Variants in KAZN observed in about 807,000 individuals in gnomAD.
KAZN encodes the protein kazrin.
Under a neutral mutation model 87.4 loss-of-function variants are expected in KAZN, and 40 were observed. That is an observed-to-expected ratio of 0.46 (90% CI 0.36 to 0.60). The LOEUF (loss-of-function observed/expected upper bound fraction) is 0.60, where lower values mean the gene tolerates loss of function less well. Ranked by LOEUF, KAZN falls within the 20% of genes least tolerant of loss-of-function variation. The pLI is 0.00. For synonymous variants in KAZN, 466 were observed against 458.3 expected (o/e 1.02, Z -0.22); for missense variants, 898 against 1,073.9 (o/e 0.84, Z 2.29).
chr1:14,557,629 GGTGT>G (rs59563758), intron 2 of KAZN, among the ~76,000 whole-genome samples: 13,357 of 137,526 alleles, frequency 0.097, 766 homozygotes, highest in Admixed American at 0.15. Flanking sequence ...GGTGTGTGTG[GGTGT>G]GTGTGTGTGT....
intron 1 of KAZN, among the ~76,000 whole-genome samples, chr1:14,928,986 C>T (rs938878508): frequency 6.6e-6 from 1 of 152,216 alleles, no homozygotes; most frequent in African/African-American, 2.4e-5. Flanking sequence ...CAAACACACA[C>T]TGATTTGAAT....
chr1:14,258,218 C>CTTTT (rs70997128), intron 2 of KAZN, among the ~76,000 whole-genome samples: 3 of 126,448 alleles, frequency 2.4e-5, no homozygotes, highest in Admixed American at 8.2e-5. Context: ...TTCTTTCTTT[C>CTTTT]TTTTTTTTTT....
chr1:15,020,176 T>C (rs554164972), intron 2 of KAZN, among the ~76,000 whole-genome samples: 110 of 152,168 alleles, frequency 7.2e-4, no homozygotes, highest in Non-Finnish European at 1.1e-3. Context: ...CTCCAGGTGA[T>C]ACAAGCTGGG....
At chr1:14,682,674 AT>A (rs1640741345) in intron 1 of KAZN, among the ~76,000 whole-genome samples, 1 of 152,188 alleles carries the variant, frequency 6.6e-6, no homozygotes, top group African/African-American at 2.4e-5. Flanking sequence ...GGAAAAAAAA[AT>A]GTATTCTAAA....
intron 1 of KAZN, among the ~76,000 whole-genome samples, chr1:13,955,346 T>C (rs1383665905): frequency 6.6e-6 from 1 of 152,234 alleles, no homozygotes; most frequent in Non-Finnish European, 1.5e-5. Context: ...ATGTTTTTAT[T>C]GCCTATTTTA....
intron 2 of KAZN, among the ~76,000 whole-genome samples, chr1:14,321,760 C>T (rs16853939): frequency 0.023 from 3,520 of 152,204 alleles, 148 homozygotes; most frequent in African/African-American, 0.08. Context: ...AATCACATAG[C>T]CCGAATTCAG....
intron 1 of KAZN, among the ~76,000 whole-genome samples, chr1:14,937,434 T>C (rs1451286091): frequency 6.6e-6 from 1 of 152,166 alleles, no homozygotes; most frequent in Non-Finnish European, 1.5e-5. Context: ...AGTTGCCACC[T>C]CTTAGGTTCT....
intron 2 of KAZN, among the ~76,000 whole-genome samples, chr1:14,504,553 G>A (rs1557763415): frequency 6.6e-6 from 1 of 152,184 alleles, no homozygotes; most frequent in Admixed American, 6.5e-5. Context: ...CAGCTGATAC[G>A]ATGGGATCTG....
At chr1:15,070,536 A>G (rs967888741) in intron 8 of KAZN, among the ~76,000 whole-genome samples, 2 of 152,208 alleles carry the variant, frequency 1.3e-5, no homozygotes, top group Admixed American at 1.3e-4. Flanking sequence ...CCACAGCATG[A>G]GCCTGCGGTC....
chr1:14,191,627 C>T (rs899554717), intron 2 of KAZN, among the ~76,000 whole-genome samples: 2 of 152,134 alleles, frequency 1.3e-5, no homozygotes, highest in East Asian at 1.9e-4. Context: ...ATGCTGTATC[C>T]GTCATAGTTT....
Position 14,191,767 on chromosome 1 carries a change from T to C in KAZN, c.249+11175T>C, listed in dbSNP as rs150395705. Reference sequence around the variant, plus strand: ...GAGACTACATAGCCAGAAATAACAGTAGCCAGGAGAAACCATCCATAAGAC... The same window carrying C: ...GAGACTACATAGCCAGAAATAACAGCAGCCAGGAGAAACCATCCATAAGAC... On this transcript the variant is annotated intron_variant, in intron 2 of 16. Transcript: ENST00000636203. Among the ~76,000 whole-genome samples, 705 of 152,214 alleles carry C rather than the reference T, an allele frequency of 4.6e-3. 4 individuals carry two copies. The highest frequency in any genetic ancestry group is 8.1e-3 in the Non-Finnish European group (548 of 67,982).
chr1:14,683,930 G>A (rs1170748511), intron 1 of KAZN, among the ~76,000 whole-genome samples: 2 of 152,220 alleles, frequency 1.3e-5, no homozygotes, highest in Non-Finnish European at 2.9e-5. Context: ...TGATATTTCA[G>A]CAGCAATTCC....
intron 8 of KAZN, among the ~76,000 whole-genome samples, chr1:15,085,376 A>G (rs927140937): frequency 2.0e-5 from 3 of 152,308 alleles, no homozygotes; most frequent in Non-Finnish European, 2.9e-5. Context: ...CACCCAGGCT[A>G]GAGTGCAGTG....
chr1:14,780,264 C>T (rs557930639), intron 1 of KAZN, among the ~76,000 whole-genome samples: 7 of 152,332 alleles, frequency 4.6e-5, no homozygotes, highest in Admixed American at 1.3e-4. Context: ...TGAGATGTCA[C>T]GTCTTCAGAG....
In KAZN at chr1:14,407,412, A is replaced by G. The variant is rs546056256; in HGVS notation, c.250-191571A>G. Among the ~76,000 whole-genome samples, 3 of 152,360 alleles carry G rather than the reference A, an allele frequency of 2.0e-5. No homozygotes were observed. In the South Asian group the frequency reaches 6.2e-4, roughly 32 times the overall value. On this transcript the variant is annotated intron_variant, in intron 2 of 16. Transcript: ENST00000636203. The stretch of plus-strand genomic sequence containing the variant: ...AAAGAAGTCCTTACAAAGACTATCC[A>G]ACAGGCAAAAGAATCTTGTGGTGGT...
At chr1:14,150,513 T>C (rs1211316706) in intron 1 of KAZN, among the ~76,000 whole-genome samples, 1 of 152,248 alleles carries the variant, frequency 6.6e-6, no homozygotes, top group Admixed American at 6.5e-5. Flanking sequence ...CTTTCAAAGC[T>C]GTGTGTTTAT....
At position 14,780,331 on chromosome 1, in the gene KAZN, C is replaced by T. The variant is rs573308755; in HGVS notation, c.227-180353C>T. ...CTCTCTTGCTTTATCTCATTCCTAGCGCATCTCTCTAGCAGGCATTTGGAG... is the reference window on the plus strand; with the variant it reads ...CTCTCTTGCTTTATCTCATTCCTAGTGCATCTCTCTAGCAGGCATTTGGAG... On this transcript the variant is annotated intron_variant, in intron 1 of 14. Coordinates refer to ENST00000376030, the MANE Select transcript of KAZN (RefSeq NM_201628.3). Among the ~76,000 whole-genome samples the T allele has an allele frequency of 7.2e-4, 110 of 152,258 alleles. 1 individual carries two copies. Among genetic ancestry groups the T allele is most frequent in the African/African-American group, 9.4e-4 (39 of 41,538 alleles).
chr1:14,112,656 G>A (rs1368612320), intron 1 of KAZN, among the ~76,000 whole-genome samples: 2 of 152,200 alleles, frequency 1.3e-5, no homozygotes, highest in South Asian at 2.1e-4. Context: ...GATGGAATGG[G>A]CCTGGTATAA....
intron 1 of KAZN, among the ~76,000 whole-genome samples, chr1:14,726,455 C>T (rs975754003): frequency 6.6e-6 from 1 of 152,190 alleles, no homozygotes; most frequent in Non-Finnish European, 1.5e-5. Flanking sequence ...TGTGTGCTCT[C>T]CCCCAGGGAT....
Sources: gnomAD v4.1 joint callset for allele counts (sites outside exome capture counted in the v4.1 genomes callset) on GRCh38, gnomAD v4.1.1 for gene constraint, MANE v1.5 for transcripts, NCBI Gene and HGNC (gene_info 2026-07-23, HGNC 2026-07-21) for gene names.